The following SDHAF3 variants were observed in gnomAD, a reference collection of about 807,000 sequenced individuals.
The protein encoded by SDHAF3 is succinate dehydrogenase complex assembly factor 3, also known as succinate dehydrogenase assembly factor 3, mitochondrial.
Under a neutral mutation model 11.5 loss-of-function variants are expected in SDHAF3, and 18 were observed. That is an observed-to-expected ratio of 1.56 (90% CI 1.08 to 2.32). The LOEUF (loss-of-function observed/expected upper bound fraction) is 2.32. Among genes scored for constraint, SDHAF3 ranks in the 30% most tolerant of loss-of-function variants. SDHAF3 has a pLI of 0.00. For missense variants in SDHAF3, 200 were observed against 154.4 expected, an observed-to-expected ratio of 1.30 and a Z score of -1.57; for synonymous variants, 72 against 59.3, an observed-to-expected ratio of 1.21 and a Z score of -0.99.
chr7:97,127,940 G>A lies in SDHAF3; in HGVS notation c.174+10043G>A, dbSNP rs555717075. On this transcript the variant is annotated intron_variant, in intron 1 of 1. Transcript: ENST00000432641. ...TTTTTTGACTGAGTCTCCCTCTGTC[G>A]CTGAGGCTGGAGTGCAGTGGCACTG... 1.1e-4 allele frequency among the ~76,000 whole-genome samples: 14 copies of A among 124,616 alleles called. No homozygotes were observed. The East Asian group carries it at 2.8e-3, about 25-fold the overall frequency. 81.8% of individuals were successfully genotyped at this position (124,616 alleles called of 152,430 possible). A position where few individuals can be genotyped will look rare whatever the true frequency, so the allele number is the denominator to read the frequency against.
At position 97,158,129 on chromosome 7, in the gene SDHAF3, A is replaced by T. The variant is rs192117516; in HGVS notation, c.175-22883A>T. Reference sequence around the variant, plus strand: ...TGTGCACAGGTTAACTTAAAGTATAAAAAAAAAAATACAATCATTGCTAGG... The same window carrying T: ...TGTGCACAGGTTAACTTAAAGTATATAAAAAAAAATACAATCATTGCTAGG... On this transcript the variant is annotated intron_variant, in intron 1 of 1. Coordinates refer to ENST00000432641, the MANE Select transcript of SDHAF3 (RefSeq NM_020186.3). Among the ~76,000 whole-genome samples the T allele has an allele frequency of 3.1e-4, 46 of 149,476 alleles. 1 individual carries two copies. Among genetic ancestry groups the T allele is most frequent in the African/African-American group, 9.3e-4 (38 of 40,812 alleles).
chr7:97,139,354 G>A (rs1031928279), intron 1 of SDHAF3, among the ~76,000 whole-genome samples: 9 of 152,296 alleles, frequency 5.9e-5, no homozygotes, highest in Admixed American at 5.9e-4. Context: ...CTGAGTCTGG[G>A]GCTTTTATGG....
intron 1 of SDHAF3, among the ~76,000 whole-genome samples, chr7:97,143,484 C>T (rs1789087877): frequency 6.6e-6 from 1 of 152,102 alleles, no homozygotes; most frequent in Non-Finnish European, 1.5e-5. Context: ...TCCCCAAAGT[C>T]CATTGTATCA....
At chr7:97,126,472 C>T (rs1791579177) in intron 1 of SDHAF3, among the ~76,000 whole-genome samples, 1 of 152,174 alleles carries the variant, frequency 6.6e-6, no homozygotes, top group African/African-American at 2.4e-5. Context: ...TATCTGTAAG[C>T]CCCTGATTGG....
chr7:97,173,546 A>ATTT (rs10538365), intron 1 of SDHAF3, among the ~76,000 whole-genome samples: 176 of 135,426 alleles, frequency 1.3e-3, no homozygotes, highest in Middle Eastern at 3.8e-3. Context: ...CAAAATTAGA[A>ATTT]TTTTTTTTTT....
chr7:97,158,924 A>G (rs1477812855), intron 1 of SDHAF3, among the ~76,000 whole-genome samples: 2 of 152,244 alleles, frequency 1.3e-5, no homozygotes. Flanking sequence ...TGAAAAATGT[A>G]TACACGTGTA....
chr7:97,153,743 A>C (rs183591727), intron 1 of SDHAF3, among the ~76,000 whole-genome samples: 1 of 152,184 alleles, frequency 6.6e-6, no homozygotes, highest in Admixed American at 6.5e-5. Context: ...GCAGTGAATG[A>C]GAGTTTCTGT....
intron 1 of SDHAF3, among the ~76,000 whole-genome samples, chr7:97,137,930 T>A (rs1194082779): frequency 7.0e-6 from 1 of 141,954 alleles, no homozygotes; most frequent in African/African-American, 2.6e-5. Context: ...TGGAGTGCAG[T>A]GGCACCATCT....
intron 1 of SDHAF3, among the ~76,000 whole-genome samples, chr7:97,121,854 G>GTT (rs56186976): frequency 3.8e-4 from 49 of 129,926 alleles, no homozygotes; most frequent in African/African-American, 1.1e-3. Context: ...TTTTTTTTTT[G>GTT]TTTTTTTTTT....
At chr7:97,153,470 T>A (rs1009491063) in intron 1 of SDHAF3, among the ~76,000 whole-genome samples, 12 of 152,376 alleles carry the variant, frequency 7.9e-5, no homozygotes, top group Non-Finnish European at 1.5e-4. Context: ...TCCTGGTTGC[T>A]TCCAAGTTTT....
intron 1 of SDHAF3, among the ~76,000 whole-genome samples, chr7:97,129,793 T>C (rs1241924574): frequency 6.6e-6 from 1 of 152,110 alleles, no homozygotes; most frequent in African/African-American, 2.4e-5. Context: ...CAGCTTATGC[T>C]ACCAGCCTGG....
chr7:97,123,136 ACCT>A (rs1443670783), intron 1 of SDHAF3, among the ~76,000 whole-genome samples: 3 of 151,700 alleles, frequency 2.0e-5, no homozygotes, highest in African/African-American at 7.3e-5. Context: ...CTAATGCTCT[ACCT>A]CCTCTTTCCC....
At chr7:97,136,855 C>T (rs928120667) in intron 1 of SDHAF3, among the ~76,000 whole-genome samples, 3 of 152,090 alleles carry the variant, frequency 2.0e-5, no homozygotes, top group Non-Finnish European at 2.9e-5. Flanking sequence ...AATGATAATT[C>T]ATCTTCTTAG....
intron 1 of SDHAF3, among the ~76,000 whole-genome samples, chr7:97,121,702 T>A (rs917022700): frequency 1.3e-5 from 2 of 151,784 alleles, no homozygotes; most frequent in Non-Finnish European, 2.9e-5. Context: ...GATCAAGGAG[T>A]AATGGAGGAA....
chr7:97,176,184 C>A (rs1283000803), intron 1 of SDHAF3, among the ~76,000 whole-genome samples: 1 of 152,110 alleles, frequency 6.6e-6, no homozygotes, highest in Non-Finnish European at 1.5e-5. Flanking sequence ...TAGGACTTGA[C>A]ATATTTTGGG....
At chr7:97,140,601 T>C (rs1789018564) in intron 1 of SDHAF3, among the ~76,000 whole-genome samples, 1 of 152,146 alleles carries the variant, frequency 6.6e-6, no homozygotes, top group Non-Finnish European at 1.5e-5. Context: ...AATACTTTTA[T>C]AATTTCTTAC....
intron 1 of SDHAF3, among the ~76,000 whole-genome samples, chr7:97,161,644 TCTC>T (rs1789412917): frequency 6.6e-6 from 1 of 152,144 alleles, no homozygotes; most frequent in African/African-American, 2.4e-5. Flanking sequence ...GTACATATAT[TCTC>T]CTTGTTCATC....
At chr7:97,143,353 C>T (rs1244944331) in intron 1 of SDHAF3, among the ~76,000 whole-genome samples, 1 of 151,894 alleles carries the variant, frequency 6.6e-6, no homozygotes, top group Non-Finnish European at 1.5e-5. Flanking sequence ...TATTTGGTTA[C>T]ATGCGTAAGT....
At chr7:97,120,112 C>T (rs1211888824) in intron 1 of SDHAF3, among the ~76,000 whole-genome samples, 3 of 152,104 alleles carry the variant, frequency 2.0e-5, no homozygotes, top group Non-Finnish European at 2.9e-5. Context: ...TGGATTTTGC[C>T]ATTGTGTTCC....
Sources: allele counts gnomAD v4.1 joint callset (sites outside exome capture counted in the v4.1 genomes callset), GRCh38; gene constraint gnomAD v4.1.1; transcripts MANE v1.5; gene names NCBI Gene and HGNC (gene_info 2026-07-23, HGNC 2026-07-21).